Variants in NRXN3 observed in about 807,000 individuals in gnomAD.
NRXN3 encodes the protein neurexin 3, also known as neurexin III.
NRXN3 carries 32 observed loss-of-function variants against 137.6 expected under a neutral mutation model. That is an observed-to-expected ratio of 0.23 (90% CI 0.18 to 0.31). The LOEUF is 0.31. Among genes scored for constraint, NRXN3 ranks in the 10% least tolerant of loss-of-function variants. The pLI, the probability that NRXN3 is intolerant of heterozygous loss-of-function variation, is 1.00. For missense variants in NRXN3, 1,574 were observed against 2,062.5 expected (o/e 0.76, Z 4.59); for synonymous variants, 798 against 784.5 (o/e 1.02, Z -0.29).
intron 8 of NRXN3, among the ~76,000 whole-genome samples, chr14:78,763,331 T>G (rs1370294699): frequency 6.6e-6 from 1 of 152,118 alleles, no homozygotes; most frequent in South Asian, 2.1e-4. Context: ...GTAATTGCAT[T>G]GCCTTTCTGA....
At position 78,363,491 on chromosome 14, in the gene NRXN3, A is replaced by G. The variant is rs79087900; in HGVS notation, c.757+65631A>G. ...ATCATAAAGATGACACAAAGTAGCT[A>G]TTATTATCCCCACTTTAGTTATGAT... is the stretch of plus-strand genomic sequence containing the variant. On this transcript the variant is annotated intron_variant, in intron 4 of 20. Coordinates refer to ENST00000335750, the MANE Select transcript of NRXN3 (RefSeq NM_001330195.2). Among the ~76,000 whole-genome samples, 1,245 of 152,346 alleles carry G rather than the reference A, an allele frequency of 8.2e-3. 39 individuals are homozygous for G. In the East Asian group the frequency reaches 0.084, roughly 10 times the overall value.
At chr14:79,388,959 G>T (rs984533612) in intron 15 of NRXN3, among the ~76,000 whole-genome samples, 2 of 152,132 alleles carry the variant, frequency 1.3e-5, no homozygotes, top group East Asian at 1.9e-4. Flanking sequence ...AACCACGTAG[G>T]TTATGCCTTT....
intron 15 of NRXN3, among the ~76,000 whole-genome samples, chr14:79,259,062 A>G (rs2077166505): frequency 6.6e-6 from 1 of 152,054 alleles, no homozygotes. Flanking sequence ...AATCTTCTGC[A>G]GGCATCCCAG....
intron 15 of NRXN3, among the ~76,000 whole-genome samples, chr14:79,345,896 C>G (rs2153375990): frequency 6.6e-6 from 1 of 152,260 alleles, no homozygotes; most frequent in South Asian, 2.1e-4. Flanking sequence ...ATTATCCAAC[C>G]TCAAGTATTT....
chr14:79,333,881 G>C (rs1383266602), intron 15 of NRXN3, among the ~76,000 whole-genome samples: 5 of 152,134 alleles, frequency 3.3e-5, no homozygotes, highest in Admixed American at 2.0e-4. Context: ...TTGAGAATTT[G>C]AATCAATCTC....
chr14:78,989,323 A>G (rs2099513808), intron 15 of NRXN3, among the ~76,000 whole-genome samples: 1 of 151,994 alleles, frequency 6.6e-6, no homozygotes. Flanking sequence ...TCAGCTTTTT[A>G]TCTGTGTGCA....
At chr14:79,090,224 C>T (rs2048903558) in intron 15 of NRXN3, among the ~76,000 whole-genome samples, 1 of 152,084 alleles carries the variant, frequency 6.6e-6, no homozygotes, top group African/African-American at 2.4e-5. Flanking sequence ...AGAAAAGCTG[C>T]TTTTAGACTT....
At chr14:79,824,487 T>C (rs994377784) in intron 20 of NRXN3, among the ~76,000 whole-genome samples, 2 of 152,288 alleles carry the variant, frequency 1.3e-5, no homozygotes, top group Middle Eastern at 6.8e-3. Flanking sequence ...TCCATATCTT[T>C]ACCCTTTCCG....
intron 6 of NRXN3, among the ~76,000 whole-genome samples, chr14:78,679,897 T>G (rs187225620): frequency 1.3e-5 from 2 of 152,256 alleles, no homozygotes; most frequent in East Asian, 3.9e-4. Context: ...CATCAGCTTT[T>G]GAGTCAATAT....
Position 78,862,271 on chromosome 14 carries a change from A to ATAGATAGATAGATAG in NRXN3, c.2275+51927_2275+51928insTAGATAGATAGATAG, listed in dbSNP as rs1567543911. ...AGATAGATAGATAGATAGATAGATA[A>ATAGATAGATAGATAG]ATAGATAGATAGATGGAAAAAGCCC... On this transcript the variant is annotated intron_variant, in intron 10 of 20. Transcript: ENST00000335750. Among the ~76,000 whole-genome samples the ATAGATAGATAGATAG allele has an allele frequency of 2.8e-3, 415 of 149,026 alleles. 5 individuals are homozygous for ATAGATAGATAGATAG. The highest frequency in any genetic ancestry group is 8.0e-3 in the East Asian group (41 of 5,130).
intron 4 of NRXN3, among the ~76,000 whole-genome samples, chr14:78,413,074 G>A (rs1598386609): frequency 6.6e-6 from 1 of 152,222 alleles, no homozygotes; most frequent in East Asian, 1.9e-4. Flanking sequence ...TTGGGTCAGA[G>A]TCAGAGCCTG....
intron 16 of NRXN3, among the ~76,000 whole-genome samples, chr14:79,533,816 G>A (rs1874088146): frequency 6.6e-6 from 1 of 152,088 alleles, no homozygotes; most frequent in Admixed American, 6.6e-5. Context: ...TTAAAAAGAG[G>A]CAAAAGAATG....
chr14:79,661,970 T>G (rs1334975361), intron 16 of NRXN3, among the ~76,000 whole-genome samples: 1 of 152,100 alleles, frequency 6.6e-6, no homozygotes, highest in Non-Finnish European at 1.5e-5. Context: ...TTGGCTCATG[T>G]GAGCAGTTAC....
chr14:79,213,514 A>G (rs2068014147), intron 15 of NRXN3, among the ~76,000 whole-genome samples: 1 of 152,178 alleles, frequency 6.6e-6, no homozygotes, highest in South Asian at 2.1e-4. Flanking sequence ...CAATTAAAAG[A>G]ACAAGGAAGA....
chr14:79,368,912 C>T (rs1455715315), intron 15 of NRXN3, among the ~76,000 whole-genome samples: 1 of 152,132 alleles, frequency 6.6e-6, no homozygotes, highest in Non-Finnish European at 1.5e-5. Flanking sequence ...ATAATTACAT[C>T]AAAAGGCCAC....
intron 19 of NRXN3, among the ~76,000 whole-genome samples, chr14:79,779,729 A>G (rs183135885): frequency 6.0e-4 from 91 of 152,306 alleles, no homozygotes; most frequent in Non-Finnish European, 1.1e-3. Context: ...ATACTCATCT[A>G]TCATTCTTGC....
chr14:78,309,972 C>T (rs1167493748), intron 4 of NRXN3, among the ~76,000 whole-genome samples: 1 of 152,056 alleles, frequency 6.6e-6, no homozygotes, highest in African/African-American at 2.4e-5. Flanking sequence ...GTAAAATACA[C>T]ACCACAGATG....
intron 14 of NRXN3, among the ~76,000 whole-genome samples, chr14:78,985,370 A>G (rs1214058614): frequency 2.0e-5 from 3 of 152,234 alleles, no homozygotes; most frequent in Non-Finnish European, 4.4e-5. Context: ...TTAGAGGATT[A>G]TATGAGGAGA....
intron 15 of NRXN3, among the ~76,000 whole-genome samples, chr14:79,001,563 C>T (rs975745173): frequency 2.6e-5 from 4 of 152,350 alleles, no homozygotes; most frequent in Admixed American, 1.3e-4. Flanking sequence ...GGAAGGCGCT[C>T]TTCTCTGGAT....
Sources: allele counts gnomAD v4.1 joint callset (sites outside exome capture counted in the v4.1 genomes callset), GRCh38; gene constraint gnomAD v4.1.1; transcripts MANE v1.5; gene names NCBI Gene and HGNC (gene_info 2026-07-23, HGNC 2026-07-21).